The following AP3D1 variants were observed in gnomAD, a reference collection of about 807,000 sequenced individuals.
AP3D1 encodes the protein AP-3 complex subunit delta-1.
Under a neutral mutation model 147.6 loss-of-function variants are expected in AP3D1, and 51 were observed. The observed-to-expected ratio is 0.35, with a 90% confidence interval of 0.28 to 0.44. AP3D1 has a LOEUF of 0.44. Ranked by LOEUF, AP3D1 falls within the 20% of genes least tolerant of loss-of-function variation. The pLI, the probability that AP3D1 is intolerant of heterozygous loss-of-function variation, is 1.00. For missense variants in AP3D1, 1,421 were observed against 1,624.2 expected, an observed-to-expected ratio of 0.87 and a Z score of 2.15; for synonymous variants, 760 against 663.0, an observed-to-expected ratio of 1.15 and a Z score of -2.25.
In AP3D1 at chr19:2,115,500, T is replaced by C. The variant is rs377543791; in HGVS notation, c.2149+38A>G. The C allele has an allele frequency of 9.9e-6, 16 of 1,610,980 alleles. No individual in the cohort carries two copies. The East Asian group carries it at 1.1e-4, about 11-fold the overall frequency. On this transcript the variant is annotated intron_variant, in intron 19 of 31. Transcript: ENST00000643116. ...GGCGGCGGGAGCACCCCACAGCCCA[T>C]GTGACAAATGCGGCGCCGACACACC...
chr19:2,147,409 TTCC>T (rs1845513056), intron 1 of AP3D1, among the ~76,000 whole-genome samples: 1 of 138,534 alleles, frequency 7.2e-6, no homozygotes, highest in Non-Finnish European at 1.5e-5. Context: ...TTTATATCTT[TTCC>T]TTTCTTTTTT....
rs769305468 is a variant in AP3D1, at chr19:2,117,328, G to T, written c.1753C>A (p.Leu585Ile). 4 of 1,611,878 alleles carry T rather than the reference G, an allele frequency of 2.5e-6. No homozygotes were observed. The highest frequency in any genetic ancestry group is 1.7e-6 in the Non-Finnish European group (2 of 1,179,462). The change falls in exon 16 of 32, where the codon CTT (leucine) becomes ATT (isoleucine). Residue 585 changes from leucine (L) to isoleucine (I), a missense_variant. Transcript: ENST00000643116. ...GCCACAGGCACGTCCTTGGCCTGAA[G>T]CTTCTGGATGTGCTTGACCAGCTGC... ...ILQLVKHIQK[L>I]QAKDVPVAEE...
At chr19:2,154,785 G>A (rs2019631830), upstream of AP3D1, among the ~76,000 whole-genome samples, 1 of 152,228 alleles carries the variant, frequency 6.6e-6, no homozygotes, top group African/African-American at 2.4e-5. Flanking sequence ...GCCCTGCCTG[G>A]CTCCCCAGTC....
At chr19:2,117,434 C>G in intron 15 of AP3D1, 67 bp from the exon 16 acceptor site, 1 of 1,478,296 alleles carries the variant, frequency 6.8e-7, no homozygotes, top group Non-Finnish European at 9.0e-7. Context: ...TTCAGGGACA[C>G]GGGGTGGCTC....
chr19:2,153,013 A>C (rs2019589381), upstream of AP3D1, among the ~76,000 whole-genome samples: 1 of 149,920 alleles, frequency 6.7e-6, no homozygotes, highest in South Asian at 2.2e-4. Context: ...GCTTGAGCCC[A>C]GGAGATAAAG....
In AP3D1 at chr19:2,137,819, C is replaced by A; in HGVS notation, c.193-12G>T. The A allele has an allele frequency of 6.2e-7, 1 of 1,613,298 alleles. No homozygotes were observed. Among genetic ancestry groups the A allele is most frequent in the South Asian group, 1.1e-5 (1 of 91,058 alleles). Reference sequence around the variant, plus strand: ...CCCAACATCTGTAACTGTTAAGGGACGCACAGGAAATTGCACTCACAAGCC... The same window carrying A: ...CCCAACATCTGTAACTGTTAAGGGAAGCACAGGAAATTGCACTCACAAGCC... On this transcript the variant is annotated splice_polypyrimidine_tract_variant and intron_variant, in intron 2 of 31. Transcript: ENST00000643116.
At chr19:2,128,637 C>G in intron 8 of AP3D1, among the ~76,000 whole-genome samples, 1 of 15,524 alleles carries the variant, frequency 6.4e-5, no homozygotes, top group East Asian at 1.5e-3. Context: ...CCCCGCCGCT[C>G]CGACACTGCA....
intron 31 of AP3D1, among the ~76,000 whole-genome samples, chr19:2,108,269 C>T (rs1417047363): frequency 3.3e-5 from 5 of 152,336 alleles, no homozygotes; most frequent in African/African-American, 4.8e-5. Flanking sequence ...GTTTGGCAGT[C>T]GACACACTGC....
chr19:2,140,682 G>C (rs1384430947), intron 1 of AP3D1, among the ~76,000 whole-genome samples: 1 of 151,710 alleles, frequency 6.6e-6, no homozygotes, highest in Non-Finnish European at 1.5e-5. Flanking sequence ...TCACAACCCT[G>C]GGACTCCCTC....
intron 16 of AP3D1, chr19:2,116,983 G>A (rs1320842569): frequency 3.5e-5 from 28 of 795,092 alleles, no homozygotes; most frequent in Non-Finnish European, 5.3e-5. Context: ...CTGCCTCAGA[G>A]CTTTATGGCA....
chr19:2,154,499 G>A (rs915306366), upstream of AP3D1, among the ~76,000 whole-genome samples: 6 of 151,866 alleles, frequency 4.0e-5, no homozygotes, highest in African/African-American at 7.3e-5. Context: ...GGATGGTCTC[G>A]ATCTCTTGAC....
chr19:2,145,662 G>A (rs768709250), intron 1 of AP3D1, among the ~76,000 whole-genome samples: 6 of 152,044 alleles, frequency 3.9e-5, no homozygotes, highest in African/African-American at 1.2e-4. Flanking sequence ...AAAGCTCAAC[G>A]CAAGTGAGCA....
intron 14 of AP3D1, among the ~76,000 whole-genome samples, chr19:2,120,184 T>C (rs916996865): frequency 6.6e-6 from 1 of 152,114 alleles, no homozygotes; most frequent in Admixed American, 6.5e-5. Flanking sequence ...CAAGAGAGCC[T>C]GGAAATCCAG....
chr19:2,138,813 G>A, intron 1 of AP3D1, 99 bp from the exon 2 acceptor site: 1 of 853,148 alleles, frequency 1.2e-6, no homozygotes, highest in Admixed American at 1.8e-5. Context: ...TGTAATCCCA[G>A]CACTTTGGGA....
Position 2,123,837 on chromosome 19 carries a change from C to G in AP3D1, c.899G>C (p.Ser300Thr), listed in dbSNP as rs865902652. The change falls in exon 10 of 32, where the codon AGC (serine) becomes ACC (threonine). Residue 300 changes from serine to threonine, a missense_variant. Ser to Thr is a moderately conservative substitution (Grantham distance 58, BLOSUM62 1). This residue lies in a region of AP3D1 where 292 missense variants were observed against 412.0 expected (regional missense o/e 0.71). Coordinates refer to ENST00000643116, the MANE Select transcript of AP3D1 (RefSeq NM_001261826.3). ...LSSGMPNHSA[S>T]IQLCVQKLRI... ...GCCCAGTGCGGGACGTACCTGGATG[C>G]TGGCGCTGTGGTTGGGCATGCCGGA... 2.5e-6 allele frequency: 4 copies of G among 1,575,240 alleles called. No individual in the cohort carries two copies. Among genetic ancestry groups the G allele is most frequent in the Non-Finnish European group, 2.6e-6 (3 of 1,160,644 alleles).
At chr19:2,148,993 G>A (rs1036660276) in intron 1 of AP3D1, among the ~76,000 whole-genome samples, 2 of 152,076 alleles carry the variant, frequency 1.3e-5, no homozygotes, top group Admixed American at 6.6e-5. Flanking sequence ...AAAGTGAGTG[G>A]GGGTGCTGGA....
At chr19:2,144,214 A>G (rs2019298954) in intron 1 of AP3D1, among the ~76,000 whole-genome samples, 1 of 152,240 alleles carries the variant, frequency 6.6e-6, no homozygotes, top group Admixed American at 6.5e-5. Flanking sequence ...GAATTCAAAC[A>G]GAAAAGCCAC....
rs1487654969 is a variant in AP3D1, at chr19:2,101,044, A to C, written c.*1129T>G. The C allele has an allele frequency of 6.6e-6, 1 of 152,526 alleles. No homozygotes were observed. Among genetic ancestry groups the C allele is most frequent in the Non-Finnish European group, 1.5e-5 (1 of 68,030 alleles). 9.4% of individuals were successfully genotyped at this position (152,526 alleles called of 1,614,324 possible). A position where few individuals can be genotyped will look rare whatever the true frequency, so the allele number is the denominator to read the frequency against. ...CATCTTGACACAAAATCATGACAGC[A>C]GCGTGATATGTCTCTCTCTTTATAC... On this transcript the variant is annotated 3_prime_UTR_variant, in exon 32 of 32. Transcript: ENST00000643116.
At chr19:2,150,622 G>A (rs1164026495) in intron 1 of AP3D1, among the ~76,000 whole-genome samples, 1 of 152,132 alleles carries the variant, frequency 6.6e-6, no homozygotes, top group Admixed American at 6.6e-5. Context: ...GGGGGCACTG[G>A]AGGCAACGCC....
Sources: gnomAD v4.1 joint callset for allele counts (sites outside exome capture counted in the v4.1 genomes callset) on GRCh38, gnomAD v4.1.1 for gene constraint, gnomAD v4.1.1 regional missense constraint, MANE v1.5 for transcripts, NCBI Gene and HGNC (gene_info 2026-07-23, HGNC 2026-07-21) for gene names.